The following TEK variants were observed in gnomAD, a reference collection of about 807,000 sequenced individuals.
TEK encodes the protein angiopoietin-1 receptor.
In TEK, 43 loss-of-function variants were observed where a neutral mutation model predicts 131.8. The observed-to-expected ratio is 0.33, with a 90% CI of 0.26 to 0.42. The LOEUF (loss-of-function observed/expected upper bound fraction) is 0.42. Among genes scored for constraint, TEK ranks in the 10% least tolerant of loss-of-function variants. The pLI, the probability that TEK is intolerant of heterozygous loss-of-function variation, is 1.00. For missense variants in TEK, 1,162 were observed against 1,384.4 expected, an observed-to-expected ratio of 0.84 and a Z score of 2.55; for synonymous variants, 580 against 491.6, an observed-to-expected ratio of 1.18 and a Z score of -2.38.
chr9:27,126,940 C>T (rs532666247), intron 1 of TEK, among the ~76,000 whole-genome samples: 1 of 152,260 alleles, frequency 6.6e-6, no homozygotes, highest in South Asian at 2.1e-4. Flanking sequence ...CAACATAAAA[C>T]AGATGCAACT....
At chr9:27,181,511 T>C (rs946722063) in intron 7 of TEK, among the ~76,000 whole-genome samples, 1 of 152,236 alleles carries the variant, frequency 6.6e-6, no homozygotes, top group Non-Finnish European at 1.5e-5. Context: ...CGTCGTCATT[T>C]GTGACTAGCT....
chr9:27,229,298 G>C lies in TEK; in HGVS notation c.*66G>C. On this transcript the variant is annotated 3_prime_UTR_variant, in exon 23 of 23. Transcript: ENST00000380036. ...ATGGGAGACCCTTGACACCTGCTGA[G>C]AAAACATGCCTCTGCCAAAGGATGT... The C allele has an allele frequency of 6.8e-7, 1 of 1,480,080 alleles. No individual in the cohort carries two copies. Among genetic ancestry groups the C allele is most frequent in the Admixed American group, 1.7e-5 (1 of 59,774 alleles). 91.7% of individuals were successfully genotyped at this position (1,480,080 alleles called of 1,614,324 possible). A position where few individuals can be genotyped will look rare whatever the true frequency, so the allele number is the denominator to read the frequency against.
Position 27,213,514 on chromosome 9 carries a change from A to G in TEK, c.2908A>G (p.Ile970Val), listed in dbSNP as rs1825708595. 13 of 1,613,986 alleles carry G rather than the reference A, an allele frequency of 8.1e-6. No individual in the cohort carries two copies. Among genetic ancestry groups the G allele is most frequent in the Non-Finnish European group, 1.1e-5 (13 of 1,179,948 alleles). Reference sequence around the variant, plus strand: ...CCACAGGGATCTGGCTGCCAGAAACATTTTAGTTGGTGAAAACTATGTGGC... The same window carrying G: ...CCACAGGGATCTGGCTGCCAGAAACGTTTTAGTTGGTGAAAACTATGTGGC... Reference protein sequence around the residue: ...FIHRDLAARNILVGENYVAKI... With the variant: ...FIHRDLAARNVLVGENYVAKI... Residue 970 changes from isoleucine to valine, a missense_variant, in exon 18 of 23, where the codon ATT (isoleucine) becomes GTT (valine). Physicochemically the swap from Ile to Val is conservative, Grantham distance 29 (BLOSUM62 3). Around this residue, in one of 6 missense-constraint regions of TEK, gnomAD observed 107 missense variants for 173.9 expected, o/e 0.62. Transcript: ENST00000380036.
At chr9:27,199,763 T>C (rs2131201479) in intron 12 of TEK, among the ~76,000 whole-genome samples, 2 of 152,356 alleles carry the variant, frequency 1.3e-5, no homozygotes, top group Admixed American at 1.3e-4. Flanking sequence ...ATTATTTGTG[T>C]AATCTAAATA....
chr9:27,198,590 C>A (rs1339642869), intron 12 of TEK, among the ~76,000 whole-genome samples: 1 of 152,172 alleles, frequency 6.6e-6, no homozygotes, highest in Non-Finnish European at 1.5e-5. Context: ...CTAACAGTAA[C>A]ACAACGAACA....
intron 3 of TEK, 37 bp from the exon 4 acceptor site, chr9:27,169,440 G>T (rs202236017): frequency 6.2e-7 from 1 of 1,613,148 alleles, no homozygotes; most frequent in Non-Finnish European, 8.5e-7. Flanking sequence ...GTATGTTTCA[G>T]TGTGACCTAC....
chr9:27,219,989 G>A, intron 20 of TEK, 60 bp from the exon 21 acceptor site: 2 of 1,558,994 alleles, frequency 1.3e-6, no homozygotes, highest in Non-Finnish European at 1.8e-6. Flanking sequence ...AGAAACCCTG[G>A]ACAGGAAGCA....
Position 27,212,573 on chromosome 9 carries a change from T to C in TEK, c.2687-134T>C, listed in dbSNP as rs1825675719. ...CACCCGTCTTCCTCCTGTCCCCCAG[T>C]GCTCCCTGGGTGGTGTTGCTAGATG... is the stretch of plus-strand genomic sequence containing the variant. On this transcript the variant is annotated intron_variant, in intron 16 of 22. Transcript: ENST00000380036. 30 of 899,966 alleles carry C rather than the reference T, an allele frequency of 3.3e-5. No individual in the cohort carries two copies. In the South Asian group the frequency reaches 3.8e-4, roughly 11 times the overall value. 55.7% of individuals were successfully genotyped at this position (899,966 alleles called of 1,614,324 possible). A position where few individuals can be genotyped will look rare whatever the true frequency, so the allele number is the denominator to read the frequency against.
chr9:27,155,121 TTGA>T (rs1432866197), intron 1 of TEK, among the ~76,000 whole-genome samples: 1 of 152,198 alleles, frequency 6.6e-6, no homozygotes, highest in Non-Finnish European at 1.5e-5. Flanking sequence ...TTCCTTCCTC[TTGA>T]TGACTCTTTC....
intron 10 of TEK, among the ~76,000 whole-genome samples, chr9:27,191,523 T>A (rs1264765373): frequency 6.6e-6 from 1 of 152,094 alleles, no homozygotes; most frequent in Non-Finnish European, 1.5e-5. Context: ...TACCTTTGTC[T>A]TACTATGCCT....
chr9:27,120,289 G>C (rs866089047), intron 1 of TEK, among the ~76,000 whole-genome samples: 37 of 152,344 alleles, frequency 2.4e-4, no homozygotes, highest in African/African-American at 8.7e-4. Flanking sequence ...ATGCCTTTGT[G>C]TATGCTGGTT....
At chr9:27,225,879 A>G (rs186282475) in intron 21 of TEK, among the ~76,000 whole-genome samples, 1 of 152,344 alleles carries the variant, frequency 6.6e-6, no homozygotes, top group Non-Finnish European at 1.5e-5. Context: ...AAGCACTTCA[A>G]CAAATTTACA....
At chr9:27,143,677 A>G (rs190344576) in intron 1 of TEK, among the ~76,000 whole-genome samples, 103 of 152,298 alleles carry the variant, frequency 6.8e-4, no homozygotes, top group South Asian at 3.9e-3. Flanking sequence ...CAACATATAT[A>G]TATATGTACA....
intron 8 of TEK, among the ~76,000 whole-genome samples, chr9:27,183,912 G>A (rs757025960): frequency 1.2e-4 from 18 of 152,274 alleles, no homozygotes; most frequent in Non-Finnish European, 1.5e-4. Flanking sequence ...GGAGAAGTAC[G>A]TGTCAATCTG....
intron 21 of TEK, among the ~76,000 whole-genome samples, chr9:27,221,183 C>T (rs556713853): frequency 3.3e-4 from 50 of 152,268 alleles, no homozygotes; most frequent in Middle Eastern, 3.4e-3. Context: ...AGCCCACCGC[C>T]GCTCCTCAAA....
Position 27,161,508 on chromosome 9 carries a change from G to A in TEK, c.364+3366G>A, listed in dbSNP as rs376168493. On this transcript the variant is annotated intron_variant, in intron 2 of 22. Transcript: ENST00000380036. Reference sequence around the variant, plus strand: ...GTACATAGTAATAAGAATAATAGCAGCTTGTAAATGGTGGGAATGGCATTT... The same window carrying A: ...GTACATAGTAATAAGAATAATAGCAACTTGTAAATGGTGGGAATGGCATTT... Among the ~76,000 whole-genome samples the A allele has an allele frequency of 1.4e-4, 22 of 152,332 alleles. No individual in the cohort carries two copies. In the South Asian group the frequency reaches 4.6e-3, roughly 32 times the overall value.
At chr9:27,115,111 C>T (rs544848950) in intron 1 of TEK, among the ~76,000 whole-genome samples, 2 of 152,248 alleles carry the variant, frequency 1.3e-5, no homozygotes, top group South Asian at 2.1e-4. Context: ...AGAGATATTA[C>T]AGCAAATAAA....
intron 21 of TEK, among the ~76,000 whole-genome samples, chr9:27,220,542 G>A (rs1826021199): frequency 6.6e-6 from 1 of 152,146 alleles, no homozygotes; most frequent in South Asian, 2.1e-4. Flanking sequence ...CAGCTCCAGT[G>A]TGCAACTCCC....
intron 12 of TEK, among the ~76,000 whole-genome samples, chr9:27,199,748 T>C (rs1365221024): frequency 6.6e-6 from 1 of 152,228 alleles, no homozygotes; most frequent in Non-Finnish European, 1.5e-5. Context: ...TACTGATTTG[T>C]AAAAATTATT....
Sources: allele counts gnomAD v4.1 joint callset (sites outside exome capture counted in the v4.1 genomes callset), GRCh38; gene constraint gnomAD v4.1.1; regional missense constraint gnomAD v4.1.1; transcripts MANE v1.5; gene names NCBI Gene and HGNC (gene_info 2026-07-23, HGNC 2026-07-21).